ATG2B: variants seen among roughly 807,000 people sequenced by gnomAD.
ATG2B encodes autophagy-related protein 2 homolog B.
A neutral mutation model predicts 241.3 loss-of-function variants in ATG2B; 121 were observed. The observed-to-expected ratio is 0.50, with a 90% CI of 0.43 to 0.58. The LOEUF (loss-of-function observed/expected upper bound fraction) is 0.58. Among genes scored for constraint, ATG2B ranks in the 20% least tolerant of loss-of-function variants. ATG2B has a pLI of 0.00. For synonymous variants in ATG2B, 858 were observed against 876.6 expected, an observed-to-expected ratio of 0.98 and a Z score of 0.37; for missense variants, 2,306 against 2,491.6, an observed-to-expected ratio of 0.93 and a Z score of 1.59.
Position 96,290,189 on chromosome 14 carries a change from T to C in ATG2B, c.5856+247A>G. ...TACAAATATGGTGAAATCAATCCTC[T>C]GCTAACTTAATGTTTACAATTTACC... On this transcript the variant is annotated intron_variant, in intron 40 of 41. Transcript: ENST00000359933. The surrounding 1 kb of genome is among the most constrained non-coding windows in gnomAD (Gnocchi z 4.4). 1 of 1,297,108 alleles carries C rather than the reference T, an allele frequency of 7.7e-7. No individual in the cohort carries two copies. The highest frequency in any genetic ancestry group is 9.8e-7 in the Non-Finnish European group (1 of 1,019,774). 80.3% of individuals were successfully genotyped at this position (1,297,108 alleles called of 1,614,324 possible). A position where few individuals can be genotyped will look rare whatever the true frequency, so the allele number is the denominator to read the frequency against.
rs758163812 is a variant in ATG2B at position 96,343,203 on chromosome 14, T to A, written c.660A>T (p.Leu220Phe). The A allele has an allele frequency of 6.2e-7, 1 of 1,611,138 alleles. No homozygotes were observed. The highest frequency in any genetic ancestry group is 8.5e-7 in the Non-Finnish European group (1 of 1,178,290). The change falls in exon 5 of 42, where the codon TTA becomes TTT. Residue 220 changes from leucine (L) to phenylalanine (F), a missense_variant. By Grantham distance (22) the Leu-to-Phe change is conservative. Coordinates refer to ENST00000359933, the MANE Select transcript of ATG2B (RefSeq NM_018036.7). Reference sequence around the variant, plus strand: ...AGAGAGACACTCCAGAGAGCTGAAGTAACTTGTGAGCAAAAGCAGTGGGTT... The same window carrying A: ...AGAGAGACACTCCAGAGAGCTGAAGAAACTTGTGAGCAAAAGCAGTGGGTT... ...VHQPTAFAHK[L>F]LQLSGVSLFW...
intron 37 of ATG2B, 54 bp from the exon 38 acceptor site, chr14:96,291,736 A>G (rs535976370): frequency 8.2e-7 from 1 of 1,220,028 alleles, no homozygotes; most frequent in East Asian, 2.3e-5. Flanking sequence ...GAGACTCAAC[A>G]TCTAAAATAA....
chr14:96,353,645 TA>T (rs1888395103), intron 1 of ATG2B, among the ~76,000 whole-genome samples: 2 of 126,340 alleles, frequency 1.6e-5, no homozygotes, highest in South Asian at 5.2e-4. Context: ...TCATATTTTA[TA>T]TATATATATA....
chr14:96,340,956 ATATAT>A (rs912091487), intron 6 of ATG2B, among the ~76,000 whole-genome samples: 1 of 150,770 alleles, frequency 6.6e-6, no homozygotes, highest in South Asian at 2.1e-4. Context: ...ATGAAAGATG[ATATAT>A]TATATAGGTT....
chr14:96,359,193 G>A (rs1364004408), intron 1 of ATG2B, among the ~76,000 whole-genome samples: 4 of 151,956 alleles, frequency 2.6e-5, no homozygotes, highest in Admixed American at 2.0e-4. Context: ...GCAACATGGC[G>A]AAATCCCGTC....
intron 41 of ATG2B, among the ~76,000 whole-genome samples, chr14:96,286,502 T>A (rs566103517): frequency 6.9e-4 from 105 of 152,332 alleles, no homozygotes; most frequent in African/African-American, 2.4e-3. Context: ...TAGAGAATTC[T>A]GAGAACAAAA....
At position 96,283,672 on chromosome 14, in the gene ATG2B, T is replaced by C. The variant is rs1010982794; in HGVS notation, c.*2083A>G. 1 of 152,214 alleles carries C rather than the reference T, an allele frequency of 6.6e-6. No homozygotes were observed. The highest frequency in any genetic ancestry group is 1.5e-5 in the Non-Finnish European group (1 of 68,040). 9.4% of individuals were successfully genotyped at this position (152,214 alleles called of 1,614,324 possible). A position where few individuals can be genotyped will look rare whatever the true frequency, so the allele number is the denominator to read the frequency against. ...CTACTGTGTCATCACAACACCAAAG[T>C]CTGAAAAGACACTTGTAAAAAAGAA... On this transcript the variant is annotated 3_prime_UTR_variant, in exon 42 of 42. Coordinates refer to ENST00000359933, the MANE Select transcript of ATG2B (RefSeq NM_018036.7).
intron 32 of ATG2B, among the ~76,000 whole-genome samples, chr14:96,304,152 T>C (rs1449853144): frequency 6.6e-6 from 1 of 152,198 alleles, no homozygotes; most frequent in Non-Finnish European, 1.5e-5. Flanking sequence ...TAGGGCAGCA[T>C]CTCCTCAGTC....
At chr14:96,300,734 ATAAACT>A (rs1020308948) in intron 34 of ATG2B, among the ~76,000 whole-genome samples, 19 of 152,358 alleles carry the variant, frequency 1.2e-4, no homozygotes, top group African/African-American at 3.1e-4. Context: ...ATGATAAAAC[ATAAACT>A]TAAAGTACTG....
intron 6 of ATG2B, among the ~76,000 whole-genome samples, chr14:96,340,404 T>C (rs1349256583): frequency 1.3e-5 from 2 of 151,768 alleles, no homozygotes; most frequent in Non-Finnish European, 2.9e-5. Flanking sequence ...TGTAACAACA[T>C]GAATGGAACT....
chr14:96,363,115 T>A lies in ATG2B; in HGVS notation c.-139A>T. 1.1e-6 allele frequency: 1 copy of A among 943,954 alleles called. No individual in the cohort carries two copies. The highest frequency in any genetic ancestry group is 1.6e-6 in the Non-Finnish European group (1 of 613,360). 58.5% of individuals were successfully genotyped at this position (943,954 alleles called of 1,614,324 possible). ...ATCCCTATTTGGTGCCGGGAGTCCCTCAGGGAGACCCCATCGCCGGCGCCG... is the reference window on the plus strand; with the variant it reads ...ATCCCTATTTGGTGCCGGGAGTCCCACAGGGAGACCCCATCGCCGGCGCCG... On this transcript the variant is annotated 5_prime_UTR_variant, in exon 1 of 42. An upstream open reading frame in the 5' UTR loses its in-frame stop. Transcript: ENST00000359933.
chr14:96,332,401 T>G lies in ATG2B; in HGVS notation c.1372A>C (p.Thr458Pro). ...SPLSATVLQP[T>P]WGEFLDHHKE... ...TGATGATCAAGGAACTCTCCCCAAGTGGGCTGAAGCTATAAAAGATTTTTT... is the reference window on the plus strand; with the variant it reads ...TGATGATCAAGGAACTCTCCCCAAGGGGGCTGAAGCTATAAAAGATTTTTT... The change falls in exon 10 of 42, where the codon ACT becomes CCT. Residue 458 changes from threonine to proline, a missense_variant. Thr to Pro is a conservative substitution (Grantham distance 38). Transcript: ENST00000359933. 1 of 1,613,748 alleles carries G rather than the reference T, an allele frequency of 6.2e-7. No individual in the cohort carries two copies. The highest frequency in any genetic ancestry group is 1.1e-5 in the South Asian group (1 of 91,050).
At chr14:96,338,724 G>A (rs1887932010) in intron 6 of ATG2B, among the ~76,000 whole-genome samples, 1 of 152,056 alleles carries the variant, frequency 6.6e-6, no homozygotes, top group South Asian at 2.1e-4. Flanking sequence ...CTGGACATTG[G>A]CTTAGGCAAA....
intron 41 of ATG2B, among the ~76,000 whole-genome samples, chr14:96,288,393 C>T (rs144622875): frequency 7.4e-4 from 113 of 152,278 alleles, no homozygotes; most frequent in African/African-American, 2.6e-3. Flanking sequence ...ATCTTACTGC[C>T]CACTGCCCTT....
intron 28 of ATG2B, among the ~76,000 whole-genome samples, chr14:96,310,710 A>T (rs1001228390): frequency 2.0e-5 from 3 of 152,076 alleles, no homozygotes; most frequent in African/African-American, 4.8e-5. Context: ...TCTTAGAGAT[A>T]AAAAAATAGG....
intron 11 of ATG2B, 43 bp downstream of exon 11, chr14:96,331,333 T>C (rs774492125): frequency 1.3e-6 from 2 of 1,544,852 alleles, no homozygotes; most frequent in Non-Finnish European, 1.7e-6. Flanking sequence ...CATTAGCATA[T>C]GTGGAAGTTT....
rs34674555 is a variant in ATG2B, at chr14:96,304,615, C to CA, written c.4734-13dup. The CA allele has an allele frequency of 0.3, 355,725 of 1,189,622 alleles. 12,786 individuals are homozygous for CA. The highest frequency in any genetic ancestry group is 0.32 in the Non-Finnish European group (278,867 of 869,614). 73.7% of individuals were successfully genotyped at this position (1,189,622 alleles called of 1,614,324 possible). ...AACTGTGGGGACTACTAAAAATGAG[C>CA]AAAAAAAAAAAAAACCCTTTTGTTA... On this transcript the variant is annotated splice_polypyrimidine_tract_variant and intron_variant, in intron 31 of 41. Transcript: ENST00000359933.
chr14:96,363,022 G>A lies in ATG2B; in HGVS notation c.-46C>T. Reference sequence around the variant, plus strand: ...CTGACTGCGGCTGCGGGTTGCGACGGCTCCGGCCTCGGGGTAGCGACTCCG... The same window carrying A: ...CTGACTGCGGCTGCGGGTTGCGACGACTCCGGCCTCGGGGTAGCGACTCCG... On this transcript the variant is annotated 5_prime_UTR_variant, in exon 1 of 42. Coordinates refer to ENST00000359933, the MANE Select transcript of ATG2B (RefSeq NM_018036.7). The A allele has an allele frequency of 6.2e-7, 1 of 1,608,030 alleles. No homozygotes were observed. Among genetic ancestry groups the A allele is most frequent in the Non-Finnish European group, 8.5e-7 (1 of 1,177,482 alleles).
rs374423394 is a variant in ATG2B at position 96,309,583 on chromosome 14, A to G, written c.4173T>C (p.Ser1391=). The change falls in exon 29 of 42, where the codon AGT becomes AGC. Residue 1391 remains serine, a synonymous_variant. Coordinates refer to ENST00000359933, the MANE Select transcript of ATG2B (RefSeq NM_018036.7). ...AFQRRSKVDS[S]GRSSSRGPVL... is the part of the protein sequence containing the mutation. ...CTGGACCACGTGAGGATGATCGACCACTGGAATCTACCTATAGCCAAAAAA... is the reference window on the plus strand; with the variant it reads ...CTGGACCACGTGAGGATGATCGACCGCTGGAATCTACCTATAGCCAAAAAA... 1.9e-6 allele frequency: 3 copies of G among 1,611,830 alleles called. No individual in the cohort carries two copies. Among genetic ancestry groups the G allele is most frequent in the African/African-American group, 2.7e-5 (2 of 74,872 alleles).
Sources: gnomAD v4.1 joint callset for allele counts (sites outside exome capture counted in the v4.1 genomes callset) on GRCh38, gnomAD v4.1.1 for gene constraint, Gnocchi (gnomAD v3.1) non-coding constraint, MANE v1.5 for transcripts, NCBI Gene and HGNC (gene_info 2026-07-23, HGNC 2026-07-21) for gene names.